Variants in GPC5 observed in about 807,000 individuals in gnomAD.
The protein encoded by GPC5 is glypican-5.
Under a neutral mutation model 53.9 loss-of-function variants are expected in GPC5, and 47 were observed. The observed-to-expected ratio is 0.87, with a 90% confidence interval of 0.69 to 1.11. GPC5 has a LOEUF of 1.11. Ranked by LOEUF, GPC5 falls within the 50% of genes most tolerant of loss-of-function variation. GPC5 has a pLI of 0.00. For missense variants in GPC5, 748 were observed against 713.1 expected (o/e 1.05, Z -0.56); for synonymous variants, 286 against 263.3 (o/e 1.09, Z -0.84).
intron 7 of GPC5, among the ~76,000 whole-genome samples, chr13:92,509,068 G>A (rs1208302857): frequency 6.6e-6 from 1 of 152,082 alleles, no homozygotes; most frequent in African/African-American, 2.4e-5. Context: ...TGTAATATAT[G>A]CCAGATAGTA....
chr13:92,775,886 T>C (rs556956522), intron 7 of GPC5, among the ~76,000 whole-genome samples: 1 of 152,198 alleles, frequency 6.6e-6, no homozygotes, highest in African/African-American at 2.4e-5. Flanking sequence ...CTTGATGAAA[T>C]CTTCATTCAC....
intron 2 of GPC5, among the ~76,000 whole-genome samples, chr13:91,579,858 C>A (rs2032291763): frequency 6.6e-6 from 1 of 151,844 alleles, no homozygotes; most frequent in African/African-American, 2.4e-5. Context: ...AACTCCTGAC[C>A]TCGTCATCTG....
chr13:91,585,543 T>A (rs1327606262), intron 2 of GPC5, among the ~76,000 whole-genome samples: 2 of 152,174 alleles, frequency 1.3e-5, no homozygotes, highest in African/African-American at 4.8e-5. Flanking sequence ...AGGTATACTG[T>A]GCAATTATAT....
chr13:91,614,706 G>A lies in GPC5; in HGVS notation c.326-78481G>A, dbSNP rs1286618050. Among the ~76,000 whole-genome samples the A allele has an allele frequency of 3.9e-5, 6 of 152,090 alleles. No individual in the cohort carries two copies. The East Asian group carries it at 9.7e-4, about 25-fold the overall frequency. On this transcript the variant is annotated intron_variant, in intron 2 of 7. Coordinates refer to ENST00000377067, the MANE Select transcript of GPC5 (RefSeq NM_004466.6). ...TTAAGAGAAAATAGAAGAGAAATCT[G>A]ACAGTGGAGTTATAAAACTTCTCTG...
At chr13:92,568,182 A>C (rs929714570) in intron 7 of GPC5, among the ~76,000 whole-genome samples, 14 of 152,216 alleles carry the variant, frequency 9.2e-5, no homozygotes, top group African/African-American at 3.4e-4. Flanking sequence ...TAAATGTTCA[A>C]CTTACTACTA....
At chr13:92,676,237 T>C (rs1310353852) in intron 7 of GPC5, among the ~76,000 whole-genome samples, 2 of 152,176 alleles carry the variant, frequency 1.3e-5, no homozygotes, top group African/African-American at 4.8e-5. Context: ...TGAGTATAAT[T>C]TGAATAGCTC....
chr13:92,511,387 G>T (rs1880558396), intron 7 of GPC5, among the ~76,000 whole-genome samples: 2 of 152,020 alleles, frequency 1.3e-5, no homozygotes, highest in African/African-American at 2.4e-5. Flanking sequence ...TTTTAATTAT[G>T]CTTTCTTTTT....
At chr13:92,638,508 C>T (rs1478340555) in intron 7 of GPC5, among the ~76,000 whole-genome samples, 2 of 151,976 alleles carry the variant, frequency 1.3e-5, no homozygotes, top group African/African-American at 4.8e-5. Context: ...GTAATTCAGA[C>T]CCATTTTTAG....
At chr13:92,572,557 A>C (rs2139042617) in intron 7 of GPC5, among the ~76,000 whole-genome samples, 1 of 152,286 alleles carries the variant, frequency 6.6e-6, no homozygotes, top group South Asian at 2.1e-4. Context: ...CATTAGGCAA[A>C]AAAGGGGGTT....
chr13:91,954,177 G>A (rs1377493593), intron 6 of GPC5, among the ~76,000 whole-genome samples: 4 of 152,048 alleles, frequency 2.6e-5, no homozygotes, highest in African/African-American at 9.7e-5. Flanking sequence ...GCATGACATC[G>A]TTCTCATACC....
chr13:91,625,159 G>C (rs557181824), intron 2 of GPC5, among the ~76,000 whole-genome samples: 1 of 151,454 alleles, frequency 6.6e-6, no homozygotes, highest in African/African-American at 2.4e-5. Flanking sequence ...ATGAGAAAGG[G>C]CATAAAACTA....
intron 7 of GPC5, among the ~76,000 whole-genome samples, chr13:92,464,019 T>G (rs566963078): frequency 6.6e-6 from 1 of 152,218 alleles, no homozygotes. Flanking sequence ...CACTAAGTGC[T>G]GTGTATATAT....
chr13:92,289,389 T>C lies in GPC5; in HGVS notation c.1561+144400T>C, dbSNP rs914291759. On this transcript the variant is annotated intron_variant, in intron 7 of 7. Transcript: ENST00000377067. ...AGAATATAGAATTTAATAAACACTG[T>C]ATATCAAAGATTTAATTTATTTTCT... Among the ~76,000 whole-genome samples the C allele has an allele frequency of 3.3e-5, 5 of 152,068 alleles. No homozygotes were observed. The East Asian group carries it at 9.6e-4, about 29-fold the overall frequency.
chr13:92,619,623 A>C (rs1289927986), intron 7 of GPC5, among the ~76,000 whole-genome samples: 1 of 152,032 alleles, frequency 6.6e-6, no homozygotes, highest in Non-Finnish European at 1.5e-5. Context: ...CTAAAATGAA[A>C]GATAAAATAA....
chr13:91,502,319 T>C lies in GPC5; in HGVS notation c.325+53397T>C, dbSNP rs539621514. 2.1e-3 allele frequency among the ~76,000 whole-genome samples: 312 copies of C among 152,174 alleles called. 3 individuals are homozygous for C. In the South Asian group the frequency reaches 0.022, roughly 11 times the overall value. Reference sequence around the variant, plus strand: ...GGTGTTTTAGACATGAAGTCCTTGCTCATGCCTATGTCCTGAATGGTATTG... The same window carrying C: ...GGTGTTTTAGACATGAAGTCCTTGCCCATGCCTATGTCCTGAATGGTATTG... On this transcript the variant is annotated intron_variant, in intron 2 of 7. Coordinates refer to ENST00000377067, the MANE Select transcript of GPC5 (RefSeq NM_004466.6).
At chr13:91,914,324 T>C (rs1169978386) in intron 6 of GPC5, among the ~76,000 whole-genome samples, 1 of 152,198 alleles carries the variant, frequency 6.6e-6, no homozygotes, top group African/African-American at 2.4e-5. Flanking sequence ...CCAATAAATG[T>C]TACAGTGTTG....
At chr13:91,832,812 C>G (rs544734036) in intron 5 of GPC5, among the ~76,000 whole-genome samples, 72 of 151,902 alleles carry the variant, frequency 4.7e-4, no homozygotes, top group Non-Finnish European at 1.5e-4. Flanking sequence ...AATTGACACC[C>G]TAACATCACA....
intron 2 of GPC5, among the ~76,000 whole-genome samples, chr13:91,692,418 C>T (rs952079428): frequency 2.0e-5 from 3 of 151,964 alleles, no homozygotes; most frequent in African/African-American, 7.3e-5. Context: ...TTTGTAGCAA[C>T]CAGTGTGTAA....
intron 7 of GPC5, among the ~76,000 whole-genome samples, chr13:92,608,557 T>C (rs1884331553): frequency 1.3e-5 from 2 of 152,184 alleles, no homozygotes; most frequent in South Asian, 2.1e-4. Flanking sequence ...ATTTGTAATA[T>C]AAATGCATTA....
Sources: allele counts gnomAD v4.1 joint callset (sites outside exome capture counted in the v4.1 genomes callset), GRCh38; gene constraint gnomAD v4.1.1; transcripts MANE v1.5; gene names NCBI Gene and HGNC (gene_info 2026-07-23, HGNC 2026-07-21).